POF1B: variants seen among roughly 807,000 people sequenced by gnomAD.
The protein encoded by POF1B is POF1B actin binding protein, also known as protein POF1B.
Under a neutral mutation model 55.3 loss-of-function variants are expected in POF1B, and 53 were observed. The ratio of observed to expected loss-of-function variants is 0.96; its 90% CI spans 0.77 to 1.20. The LOEUF is 1.20. Among genes scored for constraint, POF1B ranks in the 50% most tolerant of loss-of-function variants. The probability of loss-of-function intolerance (pLI) is 0.00; values close to 1 mark genes in which losing one functional copy is unlikely to be tolerated. For missense variants in POF1B, 478 were observed against 420.5 expected, an observed-to-expected ratio of 1.14 and a Z score of -1.20; for synonymous variants, 188 against 148.3, an observed-to-expected ratio of 1.27 and a Z score of -1.95.
chrX:85,278,720 T>G lies in POF1B; in HGVS notation c.*701A>C, dbSNP rs746571809. ...TAGGTAGGCTCATTTGGGGAAGGTA[T>G]GCTTTGAAAGAACAGATTTGCCAAG... is the stretch of plus-strand genomic sequence containing the variant. On this transcript the variant is annotated 3_prime_UTR_variant, in exon 17 of 17. Transcript: ENST00000262753. 1.8e-5 allele frequency: 2 copies of G among 111,029 alleles called. No homozygotes were observed. The highest frequency in any genetic ancestry group is 7.5e-4 in the South Asian group (2 of 2,658). The allele number at this position is 111,029 out of a possible 1,213,427, so 9.2% of individuals were successfully genotyped here.
chrX:85,340,766 G>A (rs1677891806), intron 6 of POF1B, among the ~76,000 whole-genome samples: 1 of 110,609 alleles, frequency 9.0e-6, no homozygotes, highest in Non-Finnish European at 1.9e-5. Flanking sequence ...ACCAAGGCAG[G>A]TGGTGTATAA....
intron 7 of POF1B, among the ~76,000 whole-genome samples, chrX:85,322,760 C>G (rs1170827159): frequency 9.0e-6 from 1 of 111,586 alleles, no homozygotes; most frequent in Non-Finnish European, 1.9e-5. Context: ...AGAAAACAAA[C>G]AACCCCATCA....
At chrX:85,312,068 G>C (rs1932714676) in intron 9 of POF1B, among the ~76,000 whole-genome samples, 1 of 111,810 alleles carries the variant, frequency 8.9e-6, no homozygotes, top group Non-Finnish European at 1.9e-5. Flanking sequence ...GTAGATTCTG[G>C]GTATTAGCCC....
At chrX:85,366,543 A>T (rs1933726555) in intron 3 of POF1B, among the ~76,000 whole-genome samples, 1 of 111,906 alleles carries the variant, frequency 8.9e-6, no homozygotes, top group Non-Finnish European at 1.9e-5. Flanking sequence ...CCAATTTTAA[A>T]ACCCTTAATT....
At chrX:85,372,331 G>A (rs2147952932) in intron 2 of POF1B, among the ~76,000 whole-genome samples, 1 of 90,077 alleles carries the variant, frequency 1.1e-5, no homozygotes, top group East Asian at 3.5e-4. Flanking sequence ...GCGACAGAGC[G>A]AGACTCTGTC....
chrX:85,355,440 A>G (rs1933473812), intron 4 of POF1B, among the ~76,000 whole-genome samples: 1 of 112,018 alleles, frequency 8.9e-6, no homozygotes, highest in Admixed American at 9.5e-5. Flanking sequence ...ATGGTAACAA[A>G]AGCCAAAATT....
In POF1B at chrX:85,277,918, G is replaced by A. The variant is rs1191212471; in HGVS notation, c.*1503C>T. On this transcript the variant is annotated 3_prime_UTR_variant, in exon 17 of 17. Transcript: ENST00000262753. ...TTTGTTACAGTTACATATATGAATA[G>A]TTAGCAGAGGAGAAACTCCTCCGTT... is the stretch of plus-strand genomic sequence containing the variant. 1 of 110,726 alleles carries A rather than the reference G, an allele frequency of 9.0e-6. No homozygotes were observed. The highest frequency in any genetic ancestry group is 2.8e-4 in the East Asian group (1 of 3,520). The allele number at this position is 110,726 out of a possible 1,213,427, so 9.1% of individuals were successfully genotyped here.
chrX:85,328,560 G>A (rs1254961829), intron 7 of POF1B, among the ~76,000 whole-genome samples: 1 of 110,867 alleles, frequency 9.0e-6, no homozygotes, highest in Admixed American at 9.7e-5. Flanking sequence ...ATTTTCCTAA[G>A]GAAAATTGGT....
At chrX:85,377,987 T>C (rs1224698574) in intron 2 of POF1B, among the ~76,000 whole-genome samples, 20 of 112,190 alleles carry the variant, frequency 1.8e-4, no homozygotes, top group Non-Finnish European at 3.8e-4. Flanking sequence ...ACATCATTGT[T>C]TTTGAGCTAC....
At chrX:85,286,985 T>C (rs1009035665) in intron 15 of POF1B, among the ~76,000 whole-genome samples, 15 of 111,320 alleles carry the variant, frequency 1.3e-4, no homozygotes, top group African/African-American at 4.9e-4. Flanking sequence ...CCAAAAAATT[T>C]AAATCTAAAA....
At chrX:85,372,724 T>G (rs1369546255) in intron 2 of POF1B, among the ~76,000 whole-genome samples, 2 of 102,941 alleles carry the variant, frequency 1.9e-5, no homozygotes, top group African/African-American at 7.0e-5. Context: ...AAAGTATATA[T>G]ATATATAAAT....
intron 2 of POF1B, among the ~76,000 whole-genome samples, chrX:85,373,422 T>C: frequency 8.9e-6 from 1 of 112,173 alleles, no homozygotes; most frequent in Non-Finnish European, 1.9e-5. Context: ...ATGCATGTTT[T>C]ATCTAATTGT....
chrX:85,280,374 CT>C (rs758838274), intron 16 of POF1B, among the ~76,000 whole-genome samples: 131 of 111,514 alleles, frequency 1.2e-3, no homozygotes, highest in African/African-American at 4.1e-3. Flanking sequence ...CCACGGTACA[CT>C]TAAGCATTTT....
At chrX:85,350,920 A>G (rs892724606) in intron 5 of POF1B, among the ~76,000 whole-genome samples, 3 of 111,624 alleles carry the variant, frequency 2.7e-5, no homozygotes, top group Non-Finnish European at 5.7e-5. Context: ...AGTTTTCTAG[A>G]TCTTTTACAG....
chrX:85,373,454 A>G (rs1274259410), intron 2 of POF1B, among the ~76,000 whole-genome samples: 1 of 112,063 alleles, frequency 8.9e-6, no homozygotes, highest in African/African-American at 3.2e-5. Flanking sequence ...CAAGTTGTTT[A>G]CTAGATAATC....
intron 9 of POF1B, among the ~76,000 whole-genome samples, chrX:85,311,394 C>A (rs1238360663): frequency 9.4e-6 from 1 of 106,832 alleles, no homozygotes; most frequent in Non-Finnish European, 1.9e-5. Flanking sequence ...GTGTGATGTT[C>A]CCATGTGTTC....
At position 85,289,414 on chromosome X, in the gene POF1B, C is replaced by T. The variant is rs988459945; in HGVS notation, c.1650-7097G>A. ...AACCGTGTGCATGCCCAAGGCTGCA[C>T]GCTCTCATGTGCAATCACGGAGGGA... On this transcript the variant is annotated intron_variant, in intron 15 of 16. Transcript: ENST00000262753. 8.9e-5 allele frequency among the ~76,000 whole-genome samples: 10 copies of T among 112,016 alleles called. No homozygotes were observed. The East Asian group carries it at 1.4e-3, about 16-fold the overall frequency.
intron 7 of POF1B, among the ~76,000 whole-genome samples, chrX:85,322,422 A>T (rs1203598218): frequency 9.0e-6 from 1 of 111,656 alleles, no homozygotes; most frequent in African/African-American, 3.3e-5. Flanking sequence ...TCCCTTCCTT[A>T]CATCTTATAC....
At chrX:85,341,917 C>A (rs772008608) in intron 6 of POF1B, among the ~76,000 whole-genome samples, 9 of 111,171 alleles carry the variant, frequency 8.1e-5, no homozygotes, top group Non-Finnish European at 1.5e-4. Flanking sequence ...CAGGACTGTT[C>A]CCTTTACATC....
Sources: allele counts gnomAD v4.1 joint callset (sites outside exome capture counted in the v4.1 genomes callset), GRCh38; gene constraint gnomAD v4.1.1; transcripts MANE v1.5; gene names NCBI Gene and HGNC (gene_info 2026-07-23, HGNC 2026-07-21).